The following PREX2 variants were observed in gnomAD, a reference collection of about 807,000 sequenced individuals.
PREX2 encodes phosphatidylinositol-3,4,5-trisphosphate dependent Rac exchange factor 2, also known as phosphatidylinositol 3,4,5-trisphosphate-dependent Rac exchanger 2 protein.
Under a neutral mutation model 203.2 loss-of-function variants are expected in PREX2, and 107 were observed. The ratio of observed to expected loss-of-function variants is 0.53; its 90% CI spans 0.45 to 0.62. The LOEUF is 0.62. Among genes scored for constraint, PREX2 ranks in the 20% least tolerant of loss-of-function variants. The pLI is 0.00. For synonymous variants in PREX2, 672 were observed against 663.6 expected (o/e 1.01, Z -0.19); for missense variants, 1,777 against 1,955.9 (o/e 0.91, Z 1.72).
intron 35 of PREX2, among the ~76,000 whole-genome samples, chr8:68,170,990 A>G (rs1406877938): frequency 6.6e-6 from 1 of 152,210 alleles, no homozygotes; most frequent in African/African-American, 2.4e-5. Flanking sequence ...TATTCCTTTC[A>G]GATTTGAAGG....
At chr8:68,163,619 C>T (rs1040396288) in intron 35 of PREX2, among the ~76,000 whole-genome samples, 9 of 152,074 alleles carry the variant, frequency 5.9e-5, no homozygotes, top group South Asian at 2.1e-4. Context: ...AATTTAAATA[C>T]GTGAAAAGCA....
At chr8:68,148,677 C>T (rs1404235077) in intron 34 of PREX2, among the ~76,000 whole-genome samples, 1 of 152,176 alleles carries the variant, frequency 6.6e-6, no homozygotes, top group African/African-American at 2.4e-5. Context: ...AAAGCTATAG[C>T]AAACATTAGG....
At chr8:68,056,702 A>G (rs1409902944) in intron 10 of PREX2, among the ~76,000 whole-genome samples, 1 of 152,182 alleles carries the variant, frequency 6.6e-6, no homozygotes, top group African/African-American at 2.4e-5. Flanking sequence ...ATACCATTAT[A>G]CTTTTTTAAA....
At chr8:68,064,966 A>G (rs542667300) in intron 11 of PREX2, among the ~76,000 whole-genome samples, 3 of 152,304 alleles carry the variant, frequency 2.0e-5, no homozygotes, top group African/African-American at 7.2e-5. Context: ...CATTTGCACT[A>G]TGTTCCTGGT....
intron 1 of PREX2, among the ~76,000 whole-genome samples, chr8:67,977,266 C>A (rs1423102976): frequency 6.6e-6 from 1 of 152,184 alleles, no homozygotes; most frequent in African/African-American, 2.4e-5. Context: ...CCATAGCCTG[C>A]TGGCACCCCA....
chr8:67,995,030 A>G (rs909820215), intron 1 of PREX2, among the ~76,000 whole-genome samples: 2 of 151,818 alleles, frequency 1.3e-5, no homozygotes, highest in African/African-American at 2.4e-5. Context: ...TTTCTTTCCT[A>G]TTTTCTTTTT....
intron 1 of PREX2, 103 bp downstream of exon 1, chr8:67,952,638 G>A (rs1249949020): frequency 1.4e-6 from 2 of 1,473,238 alleles, no homozygotes; most frequent in Non-Finnish European, 1.9e-6. Context: ...GCGGGGACCC[G>A]GGACGGGTCG....
chr8:68,030,686 C>T, intron 6 of PREX2, 28 bp downstream of exon 6: 5 of 1,610,024 alleles, frequency 3.1e-6, no homozygotes, highest in Non-Finnish European at 4.2e-6. Context: ...GACAATCGAG[C>T]TTAAGATAGT....
chr8:67,978,922 G>C (rs1054026313), intron 1 of PREX2, among the ~76,000 whole-genome samples: 1 of 152,034 alleles, frequency 6.6e-6, no homozygotes, highest in Non-Finnish European at 1.5e-5. Flanking sequence ...ACATATGCTT[G>C]GTTCTCTAAA....
At chr8:68,021,552 A>G (rs1057271470) in intron 3 of PREX2, among the ~76,000 whole-genome samples, 2 of 152,072 alleles carry the variant, frequency 1.3e-5, no homozygotes, top group Non-Finnish European at 2.9e-5. Context: ...CTCTATTTCT[A>G]TATGATCTGG....
At chr8:68,166,327 C>T (rs558169313) in intron 35 of PREX2, among the ~76,000 whole-genome samples, 169 of 152,166 alleles carry the variant, frequency 1.1e-3, no homozygotes, top group African/African-American at 3.8e-3. Flanking sequence ...CCAGGTGGTC[C>T]GGGGGAGTCA....
chr8:68,127,361 G>C lies in PREX2; in HGVS notation c.3725-17G>C. 6.3e-7 allele frequency: 1 copy of C among 1,584,736 alleles called. No homozygotes were observed. Among genetic ancestry groups the C allele is most frequent in the South Asian group, 1.1e-5 (1 of 89,126 alleles). On this transcript the variant is annotated splice_polypyrimidine_tract_variant and intron_variant, in intron 30 of 39. Coordinates refer to ENST00000288368, the MANE Select transcript of PREX2 (RefSeq NM_024870.4). ...GAAAGAGTGAACAATTAACTGATGT[G>C]TTTTCTTTCTCTGCAGAGGTAAAGT... is the stretch of plus-strand genomic sequence containing the variant.
chr8:68,065,431 C>G (rs1031148771), intron 11 of PREX2, among the ~76,000 whole-genome samples: 10 of 152,032 alleles, frequency 6.6e-5, no homozygotes, highest in African/African-American at 2.2e-4. Context: ...TATGACTTGG[C>G]TTGGGGAAAA....
At chr8:68,127,236 A>G (rs1325143101) in intron 30 of PREX2, 142 bp from the exon 31 acceptor site, 2 of 566,566 alleles carry the variant, frequency 3.5e-6, no homozygotes, top group Non-Finnish European at 6.2e-6. Context: ...TTTGCCATCC[A>G]TTGAAAGTAA....
At position 68,017,453 on chromosome 8, in the gene PREX2, C is replaced by T. The variant is rs562216350; in HGVS notation, c.142-393C>T. ...CTATCTATTTATCTATCTCTAATTTCGAAGAGGATCACTTCAGAATCTCTG... is the reference window on the plus strand; with the variant it reads ...CTATCTATTTATCTATCTCTAATTTTGAAGAGGATCACTTCAGAATCTCTG... On this transcript the variant is annotated intron_variant, in intron 1 of 39. Transcript: ENST00000288368. Among the ~76,000 whole-genome samples, 20 of 152,252 alleles carry T rather than the reference C, an allele frequency of 1.3e-4. No homozygotes were observed. The South Asian group carries it at 3.9e-3, about 30-fold the overall frequency.
At chr8:68,134,027 C>A in intron 31 of PREX2, 32 bp from the exon 32 acceptor site, 1 of 1,567,498 alleles carries the variant, frequency 6.4e-7, no homozygotes, top group Non-Finnish European at 8.8e-7. Flanking sequence ...CAACATTTTT[C>A]GAAGCATTCT....
At chr8:67,974,682 C>G (rs9886632) in intron 1 of PREX2, among the ~76,000 whole-genome samples, 62,660 of 151,958 alleles carry the variant, frequency 0.41, 13,250 homozygotes, top group East Asian at 0.61. Flanking sequence ...ATTTGGAACT[C>G]ATTGTACAAA....
chr8:67,971,635 A>G (rs1306488006), intron 1 of PREX2, among the ~76,000 whole-genome samples: 1 of 152,232 alleles, frequency 6.6e-6, no homozygotes, highest in African/African-American at 2.4e-5. Flanking sequence ...GTAACTCAAC[A>G]TCGAAGAGGA....
intron 1 of PREX2, among the ~76,000 whole-genome samples, chr8:67,974,147 T>C (rs1184132308): frequency 6.6e-6 from 1 of 152,182 alleles, no homozygotes; most frequent in African/African-American, 2.4e-5. Context: ...GAATTATTAC[T>C]AAAAATTGCT....
Sources: allele counts gnomAD v4.1 joint callset (sites outside exome capture counted in the v4.1 genomes callset), GRCh38; gene constraint gnomAD v4.1.1; transcripts MANE v1.5; gene names NCBI Gene and HGNC (gene_info 2026-07-23, HGNC 2026-07-21).